ADAM22: variants seen among roughly 807,000 people sequenced by gnomAD.
The protein encoded by ADAM22 is disintegrin and metalloproteinase domain-containing protein 22.
A neutral mutation model predicts 144.6 loss-of-function variants in ADAM22; 65 were observed. That is an observed-to-expected ratio of 0.45 (90% confidence interval 0.37 to 0.55). The LOEUF is 0.55. Among genes scored for constraint, ADAM22 ranks in the 20% least tolerant of loss-of-function variants. ADAM22 has a pLI of 0.00. For missense variants in ADAM22, 974 were observed against 1,184.9 expected (o/e 0.82, Z 2.61); for synonymous variants, 391 against 412.6 (o/e 0.95, Z 0.63).
chr7:88,106,584 T>A (rs1360312863), intron 4 of ADAM22, among the ~76,000 whole-genome samples: 2 of 152,208 alleles, frequency 1.3e-5, no homozygotes, highest in South Asian at 4.1e-4. Context: ...TATCGGTCCT[T>A]TCTGTTTCAC....
chr7:87,970,124 C>A (rs1473464197), intron 2 of ADAM22, among the ~76,000 whole-genome samples: 3 of 152,150 alleles, frequency 2.0e-5, no homozygotes, highest in Admixed American at 2.0e-4. Flanking sequence ...AAACCTTCAT[C>A]TGAAATAGAG....
intron 8 of ADAM22, among the ~76,000 whole-genome samples, chr7:88,126,864 A>G (rs1331540397): frequency 6.6e-6 from 1 of 151,884 alleles, no homozygotes; most frequent in South Asian, 2.1e-4. Context: ...CATTTTACTG[A>G]TAAGGACATT....
At chr7:88,152,145 TAGTC>T (rs1337489529) in intron 20 of ADAM22, among the ~76,000 whole-genome samples, 2 of 152,324 alleles carry the variant, frequency 1.3e-5, no homozygotes, top group African/African-American at 4.8e-5. Flanking sequence ...GGAAAACATT[TAGTC>T]AGGCAGGTTT....
At chr7:88,180,317 T>G (rs915856977) in intron 27 of ADAM22, among the ~76,000 whole-genome samples, 1 of 152,092 alleles carries the variant, frequency 6.6e-6, no homozygotes, top group Non-Finnish European at 1.5e-5. Flanking sequence ...AAATATTTTC[T>G]TGATAGAATA....
chr7:87,985,353 A>G (rs1484142322), intron 3 of ADAM22, among the ~76,000 whole-genome samples: 1 of 152,080 alleles, frequency 6.6e-6, no homozygotes, highest in Non-Finnish European at 1.5e-5. Context: ...CATAAAAGTC[A>G]CCCATTTCAA....
At chr7:88,168,392 G>A in intron 25 of ADAM22, 165 bp downstream of exon 25, 1 of 703,880 alleles carries the variant, frequency 1.4e-6, no homozygotes, top group African/African-American at 1.7e-5. Flanking sequence ...GGCGAGAAGT[G>A]ATAATAACAT....
chr7:87,934,448 C>A lies in ADAM22; in HGVS notation c.-18C>A. 1 of 1,577,762 alleles carries A rather than the reference C, an allele frequency of 6.3e-7. No individual in the cohort carries two copies. Among genetic ancestry groups the A allele is most frequent in the East Asian group, 2.3e-5 (1 of 42,726 alleles). On this transcript the variant is annotated 5_prime_UTR_variant, in exon 1 of 32. Transcript: ENST00000413139. ...GAGGAGCTGAGCGTCTCGGGCGAGGCGGGCTGACGGCAGCACCATGCAGGC... is the reference window on the plus strand; with the variant it reads ...GAGGAGCTGAGCGTCTCGGGCGAGGAGGGCTGACGGCAGCACCATGCAGGC...
At chr7:88,133,182 GC>G (rs1342760455) in intron 12 of ADAM22, among the ~76,000 whole-genome samples, 1 of 151,876 alleles carries the variant, frequency 6.6e-6, no homozygotes, top group Admixed American at 6.6e-5. Flanking sequence ...GGGTAACATG[GC>G]AAAATCCTGT....
Position 87,996,769 on chromosome 7 carries a change from A to T in ADAM22, c.323+18357A>T, listed in dbSNP as rs1791339095. Among the ~76,000 whole-genome samples, 2 of 152,266 alleles carry T rather than the reference A, an allele frequency of 1.3e-5. 1 individual carries two copies. The highest frequency in any genetic ancestry group is 1.3e-4 in the Admixed American group (2 of 15,288). The stretch of plus-strand genomic sequence containing the variant: ...AGGCAGTGTTACCAAATTGGTTCGC[A>T]GCATAGTCTTTGTAGCCAGGGTGCC... On this transcript the variant is annotated intron_variant, in intron 3 of 31. Coordinates refer to ENST00000413139, the MANE Select transcript of ADAM22 (RefSeq NM_001324418.2).
intron 2 of ADAM22, among the ~76,000 whole-genome samples, chr7:87,973,473 C>T (rs576295551): frequency 6.6e-6 from 1 of 151,928 alleles, no homozygotes; most frequent in Admixed American, 6.6e-5. Context: ...AATAGGAACA[C>T]TTTTACACTG....
At chr7:88,064,556 AGGCACTGGCAGATTCAGTGTCTGGTAAGG>A (rs1188555244) in intron 3 of ADAM22, among the ~76,000 whole-genome samples, 1 of 152,164 alleles carries the variant, frequency 6.6e-6, no homozygotes, top group Non-Finnish European at 1.5e-5. Flanking sequence ...TTCAAGATCA[AGGCACTGGCAGATTCAGTGTCTGGTAAGG>A]GGTCATTCAC....
At chr7:87,986,241 G>A (rs1788450981) in intron 3 of ADAM22, among the ~76,000 whole-genome samples, 1 of 152,102 alleles carries the variant, frequency 6.6e-6, no homozygotes, top group Non-Finnish European at 1.5e-5. Context: ...GTTGAGAAGT[G>A]GTAAAGTTGT....
At chr7:88,038,103 G>A (rs1016884326) in intron 3 of ADAM22, among the ~76,000 whole-genome samples, 1 of 152,136 alleles carries the variant, frequency 6.6e-6, no homozygotes, top group African/African-American at 2.4e-5. Flanking sequence ...TGTGTCTCTA[G>A]GACCTAGCTC....
chr7:87,936,849 A>G (rs1050943054), intron 2 of ADAM22, among the ~76,000 whole-genome samples: 1 of 146,064 alleles, frequency 6.8e-6, no homozygotes, highest in East Asian at 1.9e-4. Context: ...ATGTGTGTGT[A>G]TATATATTAT....
At chr7:87,994,271 C>G (rs1790576944) in intron 3 of ADAM22, among the ~76,000 whole-genome samples, 1 of 152,070 alleles carries the variant, frequency 6.6e-6, no homozygotes, top group Admixed American at 6.5e-5. Context: ...CGCCATTCTC[C>G]TGCCTCAGCC....
chr7:88,075,650 A>G lies in ADAM22; in HGVS notation c.348A>G (p.Ile116Met), dbSNP rs904517955. Residue 116 changes from isoleucine to methionine, a missense_variant, in exon 4 of 32, where the codon ATA becomes ATG. By Grantham distance (10) the Ile-to-Met change is conservative. Coordinates refer to ENST00000413139, the MANE Select transcript of ADAM22 (RefSeq NM_001324418.2). The part of the protein sequence containing the change: ...LNHDLLSSEY[I>M]ERHIEHGGKT... ...GTGATTTGCTGTCCTCTGAATACAT[A>G]GAGAGACACATTGAACATGGAGGCA... The G allele has an allele frequency of 1.2e-5, 19 of 1,613,738 alleles. No individual in the cohort carries two copies. Among genetic ancestry groups the G allele is most frequent in the Non-Finnish European group, 1.6e-5 (19 of 1,179,918 alleles).
intron 2 of ADAM22, among the ~76,000 whole-genome samples, chr7:87,950,643 G>T (rs1034175092): frequency 1.4e-5 from 2 of 147,746 alleles, no homozygotes; most frequent in Admixed American, 6.7e-5. Flanking sequence ...TAGTCCTTTG[G>T]GTATATACCC....
chr7:88,023,630 G>A (rs978224331), intron 3 of ADAM22, among the ~76,000 whole-genome samples: 2 of 151,976 alleles, frequency 1.3e-5, no homozygotes, highest in African/African-American at 4.8e-5. Context: ...ATGCGGATCA[G>A]GCTGGTCTCA....
chr7:88,075,612 T>G lies in ADAM22; in HGVS notation c.324-14T>G. On this transcript the variant is annotated splice_polypyrimidine_tract_variant and intron_variant, in intron 3 of 31. Transcript: ENST00000413139. ...GGGATCCTCTTTAGTCATCATTTAT[T>G]TTTGTTGTTGCAGTGATTTGCTGTC... 1 of 1,612,224 alleles carries G rather than the reference T, an allele frequency of 6.2e-7. No individual in the cohort carries two copies. The highest frequency in any genetic ancestry group is 8.5e-7 in the Non-Finnish European group (1 of 1,178,618).
Sources: gnomAD v4.1 joint callset for allele counts (sites outside exome capture counted in the v4.1 genomes callset) on GRCh38, gnomAD v4.1.1 for gene constraint, MANE v1.5 for transcripts, NCBI Gene and HGNC (gene_info 2026-07-23, HGNC 2026-07-21) for gene names.